Variants in KLK8 observed in about 807,000 individuals in gnomAD.
KLK8 encodes kallikrein-8.
In KLK8, 18 loss-of-function variants were observed where a neutral mutation model predicts 26.7. The ratio of observed to expected loss-of-function variants is 0.67; its 90% CI spans 0.47 to 1.00. The LOEUF (loss-of-function observed/expected upper bound fraction) is 1.00. Among genes scored for constraint, KLK8 ranks in the 50% least tolerant of loss-of-function variants. The probability of loss-of-function intolerance (pLI) is 0.00; values close to 1 mark genes in which losing one functional copy is unlikely to be tolerated. For missense variants in KLK8, 301 were observed against 331.7 expected (o/e 0.91, Z 0.72); for synonymous variants, 137 against 127.1 (o/e 1.08, Z -0.52).
intron 2 of KLK8, 69 bp from the exon 2 acceptor site, chr19:51,001,244 G>A: frequency 5.8e-6 from 8 of 1,384,330 alleles, no homozygotes; most frequent in Non-Finnish European, 8.1e-6. Context: ...CTGGATTTGG[G>A]CACTGGGGAG....
exon 3 of KLK8, chr19:51,001,162 T>G (rs2091221840): frequency 6.2e-7 from 1 of 1,612,502 alleles, no homozygotes; most frequent in African/African-American, 1.3e-5. Context: ...GTCGGGGGCG[T>G]CCCATGGTGA....
chr19:51,000,659 A>G, intron 3 of KLK8, 76 bp from the exon 3 acceptor site: 3 of 1,587,294 alleles, frequency 1.9e-6, no homozygotes, highest in Non-Finnish European at 2.6e-6. Flanking sequence ...TGTGGGTTCA[A>G]ATGGACACAC....
At chr19:51,001,393 C>A (rs1294156745) in intron 2 of KLK8, 139 bp downstream of exon 1, 5 of 549,964 alleles carry the variant, frequency 9.1e-6, no homozygotes, top group Admixed American at 3.1e-5. Context: ...AGCTGGGACT[C>A]CTAAATTAGG....
intron 5 of KLK8, chr19:50,998,989 C>G (rs1271118933): frequency 6.6e-6 from 1 of 152,250 alleles, no homozygotes; most frequent in African/African-American, 2.4e-5. Flanking sequence ...CAGCCGCAAA[C>G]TGTCTCATCC....
chr19:50,997,805 C>T (rs2091184422), exon 6 of KLK8: 18 of 1,614,194 alleles, frequency 1.1e-5, no homozygotes, highest in Non-Finnish European at 1.4e-5. Context: ...CATCTGTGAT[C>T]TGCCCCGGGT....
exon 7 of KLK8, chr19:50,996,212 G>C (rs199667123): frequency 1.2e-6 from 2 of 1,613,664 alleles, no homozygotes; most frequent in Non-Finnish European, 1.7e-6. Context: ...CTCCAGAATC[G>C]CCCTAGACAG....
chr19:50,999,571 TGTGTCC>T (rs2091200234), intron 5 of KLK8, among the ~76,000 whole-genome samples: 1 of 91,636 alleles, frequency 1.1e-5, no homozygotes, highest in African/African-American at 4.6e-5. Flanking sequence ...TGAGTGAAAC[TGTGTCC>T]CCCTGCAAAA....
intron 6 of KLK8, among the ~76,000 whole-genome samples, chr19:50,997,506 G>A (rs1434842379): frequency 6.6e-6 from 1 of 152,128 alleles, no homozygotes; most frequent in Non-Finnish European, 1.5e-5. Context: ...ATCCCATCCT[G>A]TAGTTAAGCG....
chr19:50,996,352 A>G (rs1447188031), intron 6 of KLK8, 138 bp from the exon 6 acceptor site: 8 of 831,144 alleles, frequency 9.6e-6, no homozygotes, highest in Non-Finnish European at 1.1e-5. Flanking sequence ...GTCCCCTGAG[A>G]CCAGTCAGGA....
chr19:51,000,605 T>G lies in KLK8; in HGVS notation c.71-22A>C, dbSNP rs1286942261. The G allele has an allele frequency of 3.1e-6, 5 of 1,613,094 alleles. No individual in the cohort carries two copies. The African/African-American group carries it at 6.7e-5, about 22-fold the overall frequency. On this transcript the variant is annotated intron_variant, in intron 3 of 6. Transcript: ENST00000600767. ...TGTCCTGCAGCAGGAGGGAGAGGGT[T>G]GGATCGCCACCCTCTGGGGCAGTGC...
intron 3 of KLK8, 37 bp from the exon 3 acceptor site, chr19:51,000,620 T>A (rs1280544152): frequency 6.2e-7 from 1 of 1,611,184 alleles, no homozygotes. Flanking sequence ...CGCCACCCTC[T>A]GGGGCAGTGC....
At chr19:50,997,997 A>G (rs1428467452) in intron 5 of KLK8, 113 bp from the exon 5 acceptor site, 2 of 1,353,960 alleles carry the variant, frequency 1.5e-6, no homozygotes, top group East Asian at 4.6e-5. Context: ...TTCCAGCTGC[A>G]TGGGGGAATT....
chr19:51,001,193 C>A lies in KLK8; in HGVS notation c.-8-18G>T, dbSNP rs774585942. On this transcript the variant is annotated intron_variant, in intron 2 of 6. Coordinates refer to ENST00000600767, the Ensembl canonical transcript of KLK8. ...GGTGAGGTCTGGGAAATGGAGAGGG[C>A]GGGGCCGGTAAACAGGAAGGAGGAG... 3 of 1,605,228 alleles carry A rather than the reference C, an allele frequency of 1.9e-6. No individual in the cohort carries two copies. The highest frequency in any genetic ancestry group is 2.6e-6 in the Non-Finnish European group (3 of 1,175,522).
chr19:51,000,616 C>T, intron 3 of KLK8, 33 bp from the exon 3 acceptor site: 1 of 1,611,152 alleles, frequency 6.2e-7, no homozygotes, highest in East Asian at 2.2e-5. Context: ...GGATCGCCAC[C>T]CTCTGGGGCA....
chr19:50,999,754 G>A (rs542367930), intron 5 of KLK8, among the ~76,000 whole-genome samples: 42 of 151,986 alleles, frequency 2.8e-4, no homozygotes, highest in Admixed American at 1.4e-3. Flanking sequence ...AGTGCTCTCC[G>A]CCATACAGGA....
chr19:50,996,879 T>C (rs2091173983), intron 6 of KLK8, among the ~76,000 whole-genome samples: 1 of 144,610 alleles, frequency 6.9e-6, no homozygotes, highest in South Asian at 2.2e-4. Flanking sequence ...GGAGAAAGGA[T>C]CAAGATTCTT....
At chr19:50,999,955 C>A (rs749947695) in intron 5 of KLK8, 41 bp downstream of exon 4, 27 of 1,552,392 alleles carry the variant, frequency 1.7e-5, no homozygotes, top group Admixed American at 3.5e-5. Context: ...CTGGGCCAAC[C>A]AGCTCCTCCT....
chr19:50,999,976 T>G lies in KLK8; in HGVS notation c.493+20A>C. The G allele has an allele frequency of 6.4e-7, 1 of 1,574,046 alleles. No homozygotes were observed. Among genetic ancestry groups the G allele is most frequent in the Non-Finnish European group, 8.7e-7 (1 of 1,151,524 alleles). ...CAACCAGCTCCTCCTCTCCCTCCCA[T>G]TAGTGGACAAGCCCACTACCTCGGG... On this transcript the variant is annotated intron_variant, in intron 5 of 6. Coordinates refer to ENST00000600767, the Ensembl canonical transcript of KLK8.
Position 51,000,518 on chromosome 19 carries a change from AAG to A in KLK8, c.134_135del (p.Pro45LeufsTer30). 4 of 1,614,058 alleles carry A rather than the reference AAG, an allele frequency of 2.5e-6. No individual in the cohort carries two copies. Among genetic ancestry groups the A allele is most frequent in the Non-Finnish European group, 3.4e-6 (4 of 1,180,010 alleles). ...TGGCCCTGGAACAAGGCCGCCTGCC[AAG>A]GCTGCGAATGGGGTTGGCACTCATG... is the stretch of plus-strand genomic sequence containing the variant. On this transcript the variant is annotated frameshift_variant, in exon 4 of 7. Transcript: ENST00000600767. LOFTEE classifies it high-confidence loss of function.
Sources: allele counts gnomAD v4.1 joint callset (sites outside exome capture counted in the v4.1 genomes callset), GRCh38; gene constraint gnomAD v4.1.1; transcripts MANE v1.5; gene names NCBI Gene and HGNC (gene_info 2026-07-23, HGNC 2026-07-21).